Variants in CCNJL observed in about 807,000 individuals in gnomAD.
CCNJL encodes cyclin-J-like protein.
A neutral mutation model predicts 33.4 loss-of-function variants in CCNJL; 33 were observed. That is an observed-to-expected ratio of 0.99 (90% confidence interval 0.75 to 1.32). The LOEUF is 1.32. Among genes scored for constraint, CCNJL ranks in the 40% most tolerant of loss-of-function variants. The probability of loss-of-function intolerance (pLI) is 0.00; values close to 1 mark genes in which losing one functional copy is unlikely to be tolerated. For missense variants in CCNJL, 512 were observed against 499.7 expected, an observed-to-expected ratio of 1.02 and a Z score of -0.23; for synonymous variants, 227 against 220.9, an observed-to-expected ratio of 1.03 and a Z score of -0.24.
intron 2 of CCNJL, among the ~76,000 whole-genome samples, chr5:160,306,073 A>G (rs1282797685): frequency 2.6e-5 from 4 of 152,120 alleles, no homozygotes; most frequent in Admixed American, 1.3e-4. Context: ...CAGGAGTTAG[A>G]GACCAGCCTG....
At chr5:160,274,002 G>A (rs530745949) in intron 3 of CCNJL, among the ~76,000 whole-genome samples, 1 of 152,128 alleles carries the variant, frequency 6.6e-6, no homozygotes, top group East Asian at 1.9e-4. Flanking sequence ...CCCGTAATGA[G>A]AATCAACTGT....
At position 160,336,654 on chromosome 5, in the gene CCNJL, GAC is replaced by G. The variant is rs564912617; in HGVS notation, n.206+2789_206+2790del. ...ACACAGATGTTTTATAGACATCTCT[GAC>G]ACAATGTTTCTCAAAACAAACTCTA... On this transcript the variant is annotated intron_variant and non_coding_transcript_variant, in intron 1 of 7. Transcript: ENST00000377503. Among the ~76,000 whole-genome samples the G allele has an allele frequency of 1.8e-4, 27 of 152,294 alleles. No homozygotes were observed. In the East Asian group the frequency reaches 5.2e-3, roughly 29 times the overall value.
At chr5:160,315,858 C>T (rs1486749950), upstream of CCNJL, among the ~76,000 whole-genome samples, 1 of 152,076 alleles carries the variant, frequency 6.6e-6, no homozygotes, top group Non-Finnish European at 1.5e-5. Flanking sequence ...TTTTTCATAG[C>T]AGTATTATTT....
intron 3 of CCNJL, among the ~76,000 whole-genome samples, chr5:160,261,869 C>T (rs1225342106): frequency 1.3e-5 from 2 of 152,194 alleles, no homozygotes; most frequent in Admixed American, 6.5e-5. Flanking sequence ...CCAACCCATT[C>T]GCTGCTGTGC....
At chr5:160,311,760 A>G in intron 2 of CCNJL, 98 bp downstream of exon 2, 2 of 1,110,604 alleles carry the variant, frequency 1.8e-6, no homozygotes, top group Non-Finnish European at 2.8e-6. Flanking sequence ...GGCACCCGGG[A>G]GTTCTGAGTT....
chr5:160,312,039 C>T (rs964044556), intron 1 of CCNJL, 67 bp from the exon 2 acceptor site: 8 of 1,001,528 alleles, frequency 8.0e-6, no homozygotes, highest in African/African-American at 3.2e-5. Context: ...GTGTCCCTAT[C>T]CTCTCTCGCC....
Position 160,249,201 on chromosome 5 carries a change from G to A in CCNJL, c.*4177C>T, listed in dbSNP as rs968285895. On this transcript the variant is annotated 3_prime_UTR_variant, in exon 6 of 6. Transcript: ENST00000257536. ...TCTGAAACTTAATTACATCCAGAAA[G>A]GACACTTGCATGCTAGTTTATCTAT... The A allele has an allele frequency of 6.6e-6, 1 of 152,140 alleles. No individual in the cohort carries two copies. The highest frequency in any genetic ancestry group is 2.4e-5 in the African/African-American group (1 of 41,414). 9.4% of individuals were successfully genotyped at this position (152,140 alleles called of 1,614,324 possible). A position where few individuals can be genotyped will look rare whatever the true frequency, so the allele number is the denominator to read the frequency against.
chr5:160,302,340 A>G (rs913919610), intron 2 of CCNJL, among the ~76,000 whole-genome samples: 1 of 152,200 alleles, frequency 6.6e-6, no homozygotes, highest in African/African-American at 2.4e-5. Context: ...ATTTTTGTAA[A>G]ATAAAATGTA....
chr5:160,266,283 G>A (rs1346441424), intron 3 of CCNJL, among the ~76,000 whole-genome samples: 7 of 152,268 alleles, frequency 4.6e-5, no homozygotes, highest in East Asian at 1.9e-4. Context: ...GGAGGCCAGT[G>A]TCCCAGGGGT....
chr5:160,278,861 C>A (rs771960335), intron 3 of CCNJL, among the ~76,000 whole-genome samples: 1 of 152,214 alleles, frequency 6.6e-6, no homozygotes, highest in Non-Finnish European at 1.5e-5. Context: ...CCTCCACAGC[C>A]GGAGATGTTT....
At chr5:160,326,713 C>T in intron 1 of CCNJL, 2 of 916,854 alleles carry the variant, frequency 2.2e-6, no homozygotes, top group Non-Finnish European at 3.6e-6. Flanking sequence ...ATGGCCAGGG[C>T]CAGAAAGTGC....
chr5:160,256,391 A>G (rs1415027000), intron 4 of CCNJL, among the ~76,000 whole-genome samples: 1 of 152,212 alleles, frequency 6.6e-6, no homozygotes, highest in Non-Finnish European at 1.5e-5. Context: ...ATTAATTGTA[A>G]CAATGCCTGG....
intron 3 of CCNJL, chr5:160,276,275 T>C (rs1762005160): frequency 8.5e-6 from 1 of 118,134 alleles, no homozygotes; most frequent in Non-Finnish European, 1.7e-5. Flanking sequence ...ATACCTGTAG[T>C]CTCAGCTACT....
chr5:160,320,778 TTCTTTCTTTC>T, intron 1 of CCNJL, among the ~76,000 whole-genome samples: 1 of 147,200 alleles, frequency 6.8e-6, no homozygotes, highest in Non-Finnish European at 1.5e-5. Flanking sequence ...TTTCTTTCTT[TTCTTTCTTTC>T]CTTTCTTTCT....
At chr5:160,299,411 C>T (rs1762854451) in intron 2 of CCNJL, among the ~76,000 whole-genome samples, 1 of 151,964 alleles carries the variant, frequency 6.6e-6, no homozygotes, top group South Asian at 2.1e-4. Flanking sequence ...CTCGGCCTCC[C>T]AAAGTGCTGG....
intron 3 of CCNJL, among the ~76,000 whole-genome samples, chr5:160,262,212 T>G (rs1761368257): frequency 6.6e-6 from 1 of 152,176 alleles, no homozygotes; most frequent in African/African-American, 2.4e-5. Flanking sequence ...GGGGTGGCAC[T>G]AAGACCCTTG....
chr5:160,303,418 C>T (rs1762986457), intron 2 of CCNJL, among the ~76,000 whole-genome samples: 1 of 151,882 alleles, frequency 6.6e-6, no homozygotes, highest in South Asian at 2.1e-4. Context: ...GTTGGCCAGG[C>T]TGGTCTCAAA....
chr5:160,302,376 A>G (rs1464629187), intron 2 of CCNJL, among the ~76,000 whole-genome samples: 1 of 152,244 alleles, frequency 6.6e-6, no homozygotes, highest in Non-Finnish European at 1.5e-5. Context: ...AATGACCAAA[A>G]GGAAATCTTC....
At chr5:160,303,743 T>TGTGTGTGC (rs1394118568) in intron 2 of CCNJL, among the ~76,000 whole-genome samples, 1 of 150,422 alleles carries the variant, frequency 6.6e-6, no homozygotes, top group Admixed American at 6.6e-5. Context: ...TGTGTGTGTG[T>TGTGTGTGC]GTAATAACTC....
Sources: gnomAD v4.1 joint callset for allele counts (sites outside exome capture counted in the v4.1 genomes callset) on GRCh38, gnomAD v4.1.1 for gene constraint, MANE v1.5 for transcripts, NCBI Gene and HGNC (gene_info 2026-07-23, HGNC 2026-07-21) for gene names.